CNTN4: variants seen among roughly 807,000 people sequenced by gnomAD.
CNTN4 encodes contactin-4.
A neutral mutation model predicts 122.5 loss-of-function variants in CNTN4; 77 were observed. The observed-to-expected ratio is 0.63, with a 90% confidence interval of 0.52 to 0.76. The LOEUF (loss-of-function observed/expected upper bound fraction) is 0.76, where lower values mean the gene tolerates loss of function less well. Among genes scored for constraint, CNTN4 ranks in the 30% least tolerant of loss-of-function variants. The pLI is 0.00. For missense variants in CNTN4, 1,256 were observed against 1,259.1 expected (o/e 1.00, Z 0.04); for synonymous variants, 512 against 447.0 (o/e 1.15, Z -1.83).
chr3:2,936,154 G>A (rs964313061), intron 13 of CNTN4, among the ~76,000 whole-genome samples: 1 of 152,084 alleles, frequency 6.6e-6, no homozygotes, highest in Non-Finnish European at 1.5e-5. Flanking sequence ...GTCCTCCATC[G>A]GTTGAGTTCA....
rs145992264 is a variant in CNTN4, at chr3:2,676,091, C to G, written c.56-60124C>G. ...ATACACTGGACTATTACTGCCTGAA[C>G]AAATTACTGTTTATATTATTATTCC... On this transcript the variant is annotated intron_variant, in intron 4 of 24. Transcript: ENST00000418658. Among the ~76,000 whole-genome samples, 78 of 152,230 alleles carry G rather than the reference C, an allele frequency of 5.1e-4. No homozygotes were observed. In the South Asian group the frequency reaches 8.7e-3, roughly 17 times the overall value.
intron 3 of CNTN4, among the ~76,000 whole-genome samples, chr3:2,360,382 T>A (rs2045077977): frequency 6.6e-6 from 1 of 152,174 alleles, no homozygotes; most frequent in Admixed American, 6.5e-5. Context: ...CTTAAACAAT[T>A]CTATTTCATC....
At chr3:2,791,288 G>C (rs2092001673) in intron 6 of CNTN4, among the ~76,000 whole-genome samples, 1 of 152,170 alleles carries the variant, frequency 6.6e-6, no homozygotes, top group African/African-American at 2.4e-5. Flanking sequence ...TCCCAGGACA[G>C]TGGGAAGCCA....
intron 5 of CNTN4, among the ~76,000 whole-genome samples, chr3:2,744,569 G>A (rs573233385): frequency 2.0e-5 from 3 of 152,114 alleles, no homozygotes; most frequent in South Asian, 4.1e-4. Context: ...TGCTATTTTC[G>A]TTAGTTAATA....
intron 2 of CNTN4, among the ~76,000 whole-genome samples, chr3:2,313,642 G>A (rs1360255988): frequency 1.3e-5 from 2 of 151,976 alleles, no homozygotes; most frequent in Non-Finnish European, 2.9e-5. Flanking sequence ...CATTAGCCAT[G>A]CTCATACAGT....
At chr3:2,974,107 A>C (rs1051471985) in intron 13 of CNTN4, among the ~76,000 whole-genome samples, 5 of 152,302 alleles carry the variant, frequency 3.3e-5, no homozygotes, top group African/African-American at 1.2e-4. Flanking sequence ...ATCCTGAGTA[A>C]TCCCTCTTTT....
intron 4 of CNTN4, among the ~76,000 whole-genome samples, chr3:2,635,802 C>T (rs750850928): frequency 6.6e-6 from 1 of 152,070 alleles, no homozygotes; most frequent in Non-Finnish European, 1.5e-5. Flanking sequence ...GAGAAAGTTA[C>T]GTTTGTTGAG....
chr3:2,708,699 C>T (rs958283688), intron 4 of CNTN4, among the ~76,000 whole-genome samples: 4 of 151,806 alleles, frequency 2.6e-5, no homozygotes, highest in Non-Finnish European at 5.9e-5. Flanking sequence ...AGAGCACGTC[C>T]ATGCACGCAG....
intron 6 of CNTN4, among the ~76,000 whole-genome samples, chr3:2,814,729 T>C (rs144080675): frequency 1.3e-5 from 2 of 152,324 alleles, no homozygotes; most frequent in Non-Finnish European, 2.9e-5. Flanking sequence ...TTCAGAGCAG[T>C]AACTTTGGAG....
At chr3:2,202,652 T>A (rs2038151773) in intron 2 of CNTN4, among the ~76,000 whole-genome samples, 1 of 152,128 alleles carries the variant, frequency 6.6e-6, no homozygotes, top group Non-Finnish European at 1.5e-5. Context: ...ATTTGCAGAC[T>A]ATAGAAATTT....
At chr3:2,708,727 T>TCTCTCACACACACACA (rs1214979217) in intron 4 of CNTN4, among the ~76,000 whole-genome samples, 5 of 151,008 alleles carry the variant, frequency 3.3e-5, no homozygotes, top group African/African-American at 7.3e-5. Context: ...CACGCGCGCA[T>TCTCTCACACACACACA]CACACACACA....
chr3:2,186,732 C>T (rs191333399), intron 2 of CNTN4, among the ~76,000 whole-genome samples: 2 of 152,070 alleles, frequency 1.3e-5, no homozygotes, highest in South Asian at 2.1e-4. Context: ...ATGTCTTCTT[C>T]TGAGAAGTGT....
intron 2 of CNTN4, among the ~76,000 whole-genome samples, chr3:2,138,058 T>C (rs1231816590): frequency 6.6e-6 from 1 of 150,922 alleles, no homozygotes; most frequent in African/African-American, 2.5e-5. Flanking sequence ...CCCAATATTC[T>C]TCTTCTTCTT....
At chr3:2,601,398 C>A (rs1319669991) in intron 4 of CNTN4, among the ~76,000 whole-genome samples, 26 of 152,258 alleles carry the variant, frequency 1.7e-4, no homozygotes, top group Non-Finnish European at 8.8e-5. Flanking sequence ...AGGAAGGGAT[C>A]CAGTTTCAGC....
rs182199002 is a variant in CNTN4, at chr3:2,511,007, C to T, written c.-88-60409C>T. 6.6e-5 allele frequency among the ~76,000 whole-genome samples: 10 copies of T among 152,200 alleles called. No homozygotes were observed. The East Asian group carries it at 1.9e-3, about 29-fold the overall frequency. On this transcript the variant is annotated intron_variant, in intron 3 of 24. Transcript: ENST00000418658. The stretch of plus-strand genomic sequence containing the variant: ...GAACATGAAACACCCCCATAAACAC[C>T]AGCTTTAGTTCAGCCAGTGTCCCCA...
At chr3:2,344,079 T>C (rs781430148) in intron 3 of CNTN4, among the ~76,000 whole-genome samples, 21 of 151,788 alleles carry the variant, frequency 1.4e-4, no homozygotes, top group Non-Finnish European at 2.6e-4. Flanking sequence ...TGAACAGTCT[T>C]CCCCCCATGG....
Position 2,528,757 on chromosome 3 carries a change from C to T in CNTN4, c.-88-42659C>T, listed in dbSNP as rs545987014. On this transcript the variant is annotated intron_variant, in intron 3 of 24. Transcript: ENST00000418658. ...TAGCCTTTAAAAAACTCTTAATACT[C>T]CATAATTAGCCTACAATATAATAAT... Among the ~76,000 whole-genome samples the T allele has an allele frequency of 2.6e-5, 4 of 152,050 alleles. No homozygotes were observed. The East Asian group carries it at 5.8e-4, about 22-fold the overall frequency.
intron 3 of CNTN4, among the ~76,000 whole-genome samples, chr3:2,383,592 T>TTC (rs1016896119): frequency 5.9e-5 from 9 of 151,692 alleles, no homozygotes; most frequent in Non-Finnish European, 1.3e-4. Flanking sequence ...CAGCACTATT[T>TTC]TCTCTCTCTC....
At chr3:2,917,793 A>G (rs1386455993) in intron 12 of CNTN4, among the ~76,000 whole-genome samples, 4 of 152,088 alleles carry the variant, frequency 2.6e-5, no homozygotes, top group African/African-American at 9.7e-5. Flanking sequence ...TGGAAGGAGG[A>G]CAGGACTGTT....
Sources: allele counts gnomAD v4.1 joint callset (sites outside exome capture counted in the v4.1 genomes callset), GRCh38; gene constraint gnomAD v4.1.1; transcripts MANE v1.5; gene names NCBI Gene and HGNC (gene_info 2026-07-23, HGNC 2026-07-21).